Variants in NRG3 observed in about 807,000 individuals in gnomAD.
The protein encoded by NRG3 is pro-neuregulin-3, membrane-bound isoform.
NRG3 carries 31 observed loss-of-function variants against 66.9 expected under a neutral mutation model. The observed-to-expected ratio is 0.46, with a 90% CI of 0.35 to 0.63. NRG3 has a LOEUF of 0.63. Among genes scored for constraint, NRG3 ranks in the 20% least tolerant of loss-of-function variants. The pLI is 0.00. For synonymous variants in NRG3, 393 were observed against 359.4 expected, an observed-to-expected ratio of 1.09 and a Z score of -1.06; for missense variants, 910 against 878.9, an observed-to-expected ratio of 1.04 and a Z score of -0.45.
chr10:82,793,960 T>C (rs2060693064), intron 3 of NRG3, among the ~76,000 whole-genome samples: 1 of 152,184 alleles, frequency 6.6e-6, no homozygotes, highest in Non-Finnish European at 1.5e-5. Flanking sequence ...ACTTATTTTT[T>C]TTACCTGTAA....
At chr10:81,971,372 T>TGA (rs2059927236) in intron 1 of NRG3, among the ~76,000 whole-genome samples, 1 of 152,216 alleles carries the variant, frequency 6.6e-6, no homozygotes, top group Admixed American at 6.5e-5. Flanking sequence ...TTCTAAGAGT[T>TGA]GAGATGTAAA....
At chr10:82,536,337 A>G (rs1345561099) in intron 2 of NRG3, among the ~76,000 whole-genome samples, 2 of 152,136 alleles carry the variant, frequency 1.3e-5, no homozygotes, top group Non-Finnish European at 2.9e-5. Context: ...GAATCAAATC[A>G]TTTTCCATTA....
At chr10:82,216,434 G>A (rs914646124) in intron 1 of NRG3, among the ~76,000 whole-genome samples, 9 of 150,644 alleles carry the variant, frequency 6.0e-5, no homozygotes, top group African/African-American at 2.2e-4. Flanking sequence ...CAAGATAGTA[G>A]AAATTAGAAA....
At chr10:82,270,221 G>A (rs900995393) in intron 1 of NRG3, among the ~76,000 whole-genome samples, 12 of 152,096 alleles carry the variant, frequency 7.9e-5, no homozygotes, top group Non-Finnish European at 1.8e-4. Flanking sequence ...CTGTGGATGG[G>A]ATTAAGTGTG....
In NRG3 at chr10:82,782,663, TG is replaced by T. The variant is rs543927985; in HGVS notation, c.1027+44015del. On this transcript the variant is annotated intron_variant, in intron 3 of 8. Coordinates refer to ENST00000372141, the MANE Select transcript of NRG3 (RefSeq NM_001010848.4). ...TAGAAAAAGTCTAGATCATCATGAA[TG>T]GAGTGTTAAGGGCAATTCTGGTGAG... is the stretch of plus-strand genomic sequence containing the variant. Among the ~76,000 whole-genome samples, 28 of 152,052 alleles carry T rather than the reference TG, an allele frequency of 1.8e-4. No homozygotes were observed. The South Asian group carries it at 5.6e-3, about 30-fold the overall frequency.
chr10:82,861,191 A>G (rs773385037), intron 3 of NRG3, among the ~76,000 whole-genome samples: 1 of 151,980 alleles, frequency 6.6e-6, no homozygotes, highest in Non-Finnish European at 1.5e-5. Context: ...AGTGAGAGAG[A>G]GAGAAAGAAA....
chr10:82,754,493 C>A (rs1211480671), intron 3 of NRG3, among the ~76,000 whole-genome samples: 5 of 147,094 alleles, frequency 3.4e-5, no homozygotes, highest in African/African-American at 1.3e-4. Flanking sequence ...AGAAGCCAGG[C>A]TACATAATGA....
chr10:82,425,043 T>C (rs999213096), intron 2 of NRG3, among the ~76,000 whole-genome samples: 1 of 152,156 alleles, frequency 6.6e-6, no homozygotes, highest in Non-Finnish European at 1.5e-5. Flanking sequence ...CTGTGTTGAT[T>C]ACTGCAAGTT....
At chr10:82,538,680 A>G (rs1387407491) in intron 2 of NRG3, among the ~76,000 whole-genome samples, 2 of 152,046 alleles carry the variant, frequency 1.3e-5, no homozygotes, top group Non-Finnish European at 2.9e-5. Context: ...TCTACAAAGA[A>G]TCTCCACATT....
At chr10:82,167,131 A>G (rs2072142816) in intron 1 of NRG3, among the ~76,000 whole-genome samples, 1 of 151,840 alleles carries the variant, frequency 6.6e-6, no homozygotes, top group South Asian at 2.1e-4. Context: ...ATTTCAACTG[A>G]TTGAATTTTT....
At chr10:82,819,078 A>G (rs2061839059) in intron 3 of NRG3, among the ~76,000 whole-genome samples, 1 of 152,186 alleles carries the variant, frequency 6.6e-6, no homozygotes, top group Admixed American at 6.5e-5. Context: ...AATTAGACGT[A>G]TTTTGTAATT....
chr10:82,583,307 A>G (rs897505072), intron 2 of NRG3, among the ~76,000 whole-genome samples: 6 of 152,192 alleles, frequency 3.9e-5, no homozygotes, highest in Non-Finnish European at 7.3e-5. Flanking sequence ...AATAATACTG[A>G]TTCAGTAACA....
intron 1 of NRG3, among the ~76,000 whole-genome samples, chr10:81,923,862 C>G (rs1052132675): frequency 4.6e-5 from 7 of 152,204 alleles, no homozygotes; most frequent in Non-Finnish European, 1.0e-4. Context: ...ACCTACTCTG[C>G]TAGCAGAGGC....
chr10:81,947,214 A>G (rs1175419588), intron 1 of NRG3, among the ~76,000 whole-genome samples: 3 of 151,954 alleles, frequency 2.0e-5, no homozygotes, highest in African/African-American at 7.3e-5. Context: ...TCTTCTCTCT[A>G]TGCATGTCCC....
intron 1 of NRG3, among the ~76,000 whole-genome samples, chr10:82,316,618 C>T (rs921617842): frequency 8.5e-5 from 13 of 152,148 alleles, no homozygotes; most frequent in African/African-American, 2.9e-4. Flanking sequence ...TGCTCCTGGC[C>T]GCACTTCTGT....
At chr10:82,277,321 G>T (rs1235669111) in intron 1 of NRG3, among the ~76,000 whole-genome samples, 1 of 152,046 alleles carries the variant, frequency 6.6e-6, no homozygotes, top group Non-Finnish European at 1.5e-5. Flanking sequence ...ATGATTGTAA[G>T]TGTAGGATAA....
At chr10:82,465,292 T>C (rs1840570473) in intron 2 of NRG3, among the ~76,000 whole-genome samples, 1 of 152,210 alleles carries the variant, frequency 6.6e-6, no homozygotes, top group South Asian at 2.1e-4. Flanking sequence ...GTGTTCTCTC[T>C]GGGTTGTCTC....
intron 1 of NRG3, among the ~76,000 whole-genome samples, chr10:82,296,889 C>T (rs958339031): frequency 3.9e-5 from 6 of 151,924 alleles, no homozygotes; most frequent in Admixed American, 6.6e-5. Flanking sequence ...AAACAGTGAA[C>T]GTAGTACCCA....
At chr10:82,240,810 G>T (rs2076973727) in intron 1 of NRG3, among the ~76,000 whole-genome samples, 1 of 152,072 alleles carries the variant, frequency 6.6e-6, no homozygotes, top group Non-Finnish European at 1.5e-5. Flanking sequence ...ATTCTTATTG[G>T]TTGAGTTTTC....
Sources: gnomAD v4.1 joint callset for allele counts (sites outside exome capture counted in the v4.1 genomes callset) on GRCh38, gnomAD v4.1.1 for gene constraint, MANE v1.5 for transcripts, NCBI Gene and HGNC (gene_info 2026-07-23, HGNC 2026-07-21) for gene names.